Variants in FOXN3 observed in about 807,000 individuals in gnomAD.
FOXN3 encodes the protein forkhead box protein N3.
In FOXN3, 7 loss-of-function variants were observed where a neutral mutation model predicts 38.4. The ratio of observed to expected loss-of-function variants is 0.18; its 90% CI spans 0.10 to 0.34. The LOEUF is 0.34. Among genes scored for constraint, FOXN3 ranks in the 10% least tolerant of loss-of-function variants. The pLI is 1.00. For missense variants in FOXN3, 456 were observed against 613.4 expected, an observed-to-expected ratio of 0.74 and a Z score of 2.71; for synonymous variants, 230 against 242.2, an observed-to-expected ratio of 0.95 and a Z score of 0.47.
In FOXN3 at chr14:89,398,180, CTT is replaced by C. The variant is rs142235076; in HGVS notation, c.543+13752_543+13753del. ...AGCCACTCTGTAGCCTTCCTGGTCT[CTT>C]TTTATTTTGTTGAGTATCCTCCACC... On this transcript the variant is annotated intron_variant, in intron 2 of 5. Coordinates refer to ENST00000557258, the MANE Select transcript of FOXN3 (RefSeq NM_005197.4). Among the ~76,000 whole-genome samples, 686 of 152,338 alleles carry C rather than the reference CTT, an allele frequency of 4.5e-3. 5 individuals are homozygous for C. Among genetic ancestry groups the C allele is most frequent in the African/African-American group, 0.016 (659 of 41,576 alleles).
intron 1 of FOXN3, among the ~76,000 whole-genome samples, chr14:89,554,531 T>C (rs1370796354): frequency 1.3e-5 from 2 of 152,210 alleles, no homozygotes; most frequent in Non-Finnish European, 2.9e-5. Flanking sequence ...ACTTTTGTTC[T>C]GTTACAATTT....
At chr14:89,360,782 C>CTCCACCACCACCTCCACCACT (rs1889503147) in intron 2 of FOXN3, among the ~76,000 whole-genome samples, 2 of 78,402 alleles carry the variant, frequency 2.6e-5, no homozygotes, top group Non-Finnish European at 5.2e-5. Flanking sequence ...CCTCCACCAC[C>CTCCACCACCACCTCCACCACT]ACCTCCACCA....
At chr14:89,591,112 T>C (rs1184080458) in intron 1 of FOXN3, among the ~76,000 whole-genome samples, 2 of 152,254 alleles carry the variant, frequency 1.3e-5, no homozygotes, top group Non-Finnish European at 2.9e-5. Flanking sequence ...CTTGTTAATC[T>C]GTCTTTTGGT....
intron 3 of FOXN3, among the ~76,000 whole-genome samples, chr14:89,319,024 C>T (rs1394077587): frequency 2.0e-5 from 3 of 152,208 alleles, no homozygotes; most frequent in Admixed American, 6.5e-5. Flanking sequence ...CACCAGGGGC[C>T]TGGGCCCAAG....
intron 1 of FOXN3, among the ~76,000 whole-genome samples, chr14:89,511,765 C>A (rs142876649): frequency 6.6e-6 from 1 of 152,132 alleles, no homozygotes; most frequent in Admixed American, 6.6e-5. Flanking sequence ...AATTGACTCA[C>A]GGTTCTGCAG....
chr14:89,566,149 A>C lies in FOXN3; in HGVS notation c.-15+52879T>G, dbSNP rs78010321. Among the ~76,000 whole-genome samples, 361 of 152,284 alleles carry C rather than the reference A, an allele frequency of 2.4e-3. 2 individuals are homozygous for C. Among genetic ancestry groups the C allele is most frequent in the African/African-American group, 8.1e-3 (338 of 41,564 alleles). ...ACAAATCCCACGAGTAAAGACCAAC[A>C]AGAAATTCCTGTAAAAACCTCACCC... On this transcript the variant is annotated intron_variant, in intron 1 of 6. Transcript: ENST00000345097.
intron 2 of FOXN3, among the ~76,000 whole-genome samples, chr14:89,408,789 G>T (rs952378359): frequency 6.6e-6 from 1 of 151,978 alleles, no homozygotes; most frequent in South Asian, 2.1e-4. Context: ...CAATGTTCTC[G>T]TTCAATTTAA....
At chr14:89,384,790 G>A (rs1890747334) in intron 2 of FOXN3, among the ~76,000 whole-genome samples, 1 of 152,190 alleles carries the variant, frequency 6.6e-6, no homozygotes, top group South Asian at 2.1e-4. Flanking sequence ...GGCTGTCAAA[G>A]TCTACAGGAT....
chr14:89,406,841 C>T (rs530884962), intron 2 of FOXN3, among the ~76,000 whole-genome samples: 2 of 151,656 alleles, frequency 1.3e-5, no homozygotes, highest in Admixed American at 1.3e-4. Flanking sequence ...AAAAAAATAA[C>T]TGCATTCTAC....
At chr14:89,333,749 T>TTAAAA (rs1555418764) in intron 3 of FOXN3, among the ~76,000 whole-genome samples, 1 of 57,264 alleles carries the variant, frequency 1.7e-5, no homozygotes, top group Non-Finnish European at 3.5e-5. Flanking sequence ...GAGAGACTAT[T>TTAAAA]AAAAAAAAAA....
At chr14:89,415,604 C>CAAAAAAAAAAAAAAAAAAAAAAAA (rs34026101) in intron 1 of FOXN3, among the ~76,000 whole-genome samples, 6 of 54,282 alleles carry the variant, frequency 1.1e-4, no homozygotes, top group Non-Finnish European at 1.2e-4. Flanking sequence ...CAACAATAAC[C>CAAAAAAAAAAAAAAAAAAAAAAAA]AAAAAAAAAA....
At chr14:89,553,704 T>A (rs1213858789) in intron 1 of FOXN3, among the ~76,000 whole-genome samples, 3 of 152,048 alleles carry the variant, frequency 2.0e-5, no homozygotes, top group Non-Finnish European at 4.4e-5. Flanking sequence ...AAAGGGAATA[T>A]CTAGGTGAGG....
intron 1 of FOXN3, among the ~76,000 whole-genome samples, chr14:89,517,344 G>A (rs1894227196): frequency 7.6e-6 from 1 of 132,024 alleles, no homozygotes; most frequent in African/African-American, 2.9e-5. Context: ...GACAGAAAGA[G>A]ACCCTGTCTT....
At chr14:89,350,519 T>A (rs191838640) in intron 3 of FOXN3, 153 bp downstream of exon 3, 2 of 607,670 alleles carry the variant, frequency 3.3e-6, no homozygotes, top group African/African-American at 1.9e-5. Flanking sequence ...AATACAACAG[T>A]GGATATGCCT....
At chr14:89,271,955 G>A (rs1297975726) in intron 4 of FOXN3, among the ~76,000 whole-genome samples, 1 of 152,170 alleles carries the variant, frequency 6.6e-6, no homozygotes, top group Non-Finnish European at 1.5e-5. Context: ...ATTGCTTCAG[G>A]CCTTGTTTCT....
Position 89,544,325 on chromosome 14 carries a change from G to A in FOXN3, c.-15+74703C>T, listed in dbSNP as rs557259893. Among the ~76,000 whole-genome samples, 4 of 151,526 alleles carry A rather than the reference G, an allele frequency of 2.6e-5. No homozygotes were observed. In the East Asian group the frequency reaches 5.8e-4, roughly 22 times the overall value. ...CAAAGTGCTGGGATTACAGGCGTGAGCCACTGTGCTGGGCCTTTTTTTTTT... is the reference window on the plus strand; with the variant it reads ...CAAAGTGCTGGGATTACAGGCGTGAACCACTGTGCTGGGCCTTTTTTTTTT... On this transcript the variant is annotated intron_variant, in intron 1 of 6. Coordinates refer to the FOXN3 transcript ENST00000345097.
chr14:89,363,214 C>T (rs1471900376), intron 2 of FOXN3, among the ~76,000 whole-genome samples: 1 of 152,146 alleles, frequency 6.6e-6, no homozygotes, highest in Non-Finnish European at 1.5e-5. Flanking sequence ...GGGCTATCCC[C>T]ACAGTAACAC....
At chr14:89,467,997 G>A (rs187982917) in intron 1 of FOXN3, among the ~76,000 whole-genome samples, 2 of 150,344 alleles carry the variant, frequency 1.3e-5, no homozygotes, top group African/African-American at 4.9e-5. Context: ...TTTTCTTGTG[G>A]ATCCTGCCAA....
In FOXN3 at chr14:89,363,978, ATATATATATAAT is replaced by A. The variant is rs1185213179; in HGVS notation, c.544-13182_544-13171del. On this transcript the variant is annotated intron_variant, in intron 2 of 5. Coordinates refer to ENST00000557258, the MANE Select transcript of FOXN3 (RefSeq NM_005197.4). Reference sequence around the variant, plus strand: ...TATATATATATATATATATATATATATATATATATAATATATATATATATTCTTCCATATCAA... The same window carrying A: ...TATATATATATATATATATATATATAATATATATATATTCTTCCATATCAA... Among the ~76,000 whole-genome samples the A allele has an allele frequency of 3.5e-3, 303 of 86,996 alleles. 8 individuals are homozygous for A. The East Asian group carries it at 0.044, about 13-fold the overall frequency. The allele number at this position is 86,996 out of a possible 152,430, so 57.1% of individuals were successfully genotyped here.
Sources: gnomAD v4.1 joint callset for allele counts (sites outside exome capture counted in the v4.1 genomes callset) on GRCh38, gnomAD v4.1.1 for gene constraint, MANE v1.5 for transcripts, NCBI Gene and HGNC (gene_info 2026-07-23, HGNC 2026-07-21) for gene names.